RAPGEF1: variants seen among roughly 807,000 people sequenced by gnomAD.
The protein encoded by RAPGEF1 is Rap guanine nucleotide exchange factor 1, also known as CRK SH3-binding GNRP.
RAPGEF1 carries 33 observed loss-of-function variants against 143.3 expected under a neutral mutation model. That is an observed-to-expected ratio of 0.23 (90% CI 0.17 to 0.31). The LOEUF is 0.31. Ranked by LOEUF, RAPGEF1 falls within the 10% of genes least tolerant of loss-of-function variation. The pLI, the probability that RAPGEF1 is intolerant of heterozygous loss-of-function variation, is 1.00. For synonymous variants in RAPGEF1, 629 were observed against 676.5 expected, an observed-to-expected ratio of 0.93 and a Z score of 1.09; for missense variants, 1,199 against 1,645.4, an observed-to-expected ratio of 0.73 and a Z score of 4.69.
At chr9:131,697,831 TGAC>T in intron 1 of RAPGEF1, among the ~76,000 whole-genome samples, 1 of 152,252 alleles carries the variant, frequency 6.6e-6, no homozygotes, top group Non-Finnish European at 1.5e-5. Flanking sequence ...CAGTTGATGA[TGAC>T]AAGTTCTGGA....
At chr9:131,604,376 G>A (rs921183401) in intron 13 of RAPGEF1, among the ~76,000 whole-genome samples, 3 of 152,190 alleles carry the variant, frequency 2.0e-5, no homozygotes, top group East Asian at 3.8e-4. Context: ...AGTGGGGTCC[G>A]CTGCCTGCAC....
intron 26 of RAPGEF1, 86 bp downstream of exon 26, chr9:131,580,177 C>T (rs1022758830): frequency 4.5e-6 from 7 of 1,542,288 alleles, no homozygotes; most frequent in African/African-American, 2.7e-5. Context: ...TGTGGCTCCC[C>T]CTCCCCTCGG....
intron 12 of RAPGEF1, among the ~76,000 whole-genome samples, chr9:131,609,148 T>C (rs1957596880): frequency 6.6e-6 from 1 of 151,926 alleles, no homozygotes; most frequent in African/African-American, 2.4e-5. Flanking sequence ...ATGTCAGCCC[T>C]GGTCACATAG....
At position 131,666,110 on chromosome 9, in the gene RAPGEF1, G is replaced by A. The variant is rs371713675; in HGVS notation, c.62-15161C>T. ...CTATGACATTCAGTCTACACCAGAT[G>A]GTAATATCAGAGATGTAGATAAGAT... On this transcript the variant is annotated intron_variant, in intron 1 of 26. Coordinates refer to ENST00000683357, the MANE Select transcript of RAPGEF1 (RefSeq NM_001377935.1). Among the ~76,000 whole-genome samples, 4 of 152,274 alleles carry A rather than the reference G, an allele frequency of 2.6e-5. No homozygotes were observed. In the East Asian group the frequency reaches 5.8e-4, roughly 22 times the overall value.
chr9:131,585,441 A>G (rs1395415670), intron 22 of RAPGEF1, among the ~76,000 whole-genome samples: 3 of 152,106 alleles, frequency 2.0e-5, no homozygotes, highest in Non-Finnish European at 2.9e-5. Flanking sequence ...TCGGCCTCCC[A>G]AAGTCCTGGG....
intron 12 of RAPGEF1, among the ~76,000 whole-genome samples, chr9:131,606,043 C>A (rs1957067837): frequency 6.6e-6 from 1 of 152,176 alleles, no homozygotes; most frequent in African/African-American, 2.4e-5. Context: ...CACTGTACTC[C>A]AGGCTGGGTG....
intron 1 of RAPGEF1, among the ~76,000 whole-genome samples, chr9:131,703,857 TGA>T (rs1301951119): frequency 6.6e-6 from 1 of 152,110 alleles, no homozygotes. Flanking sequence ...TACCTTAAGC[TGA>T]GAGACAGAAA....
rs1964493931 is a variant in RAPGEF1, at chr9:131,630,281, G to A, written c.695C>T (p.Pro232Leu). The A allele has an allele frequency of 5.0e-6, 8 of 1,613,746 alleles. No homozygotes were observed. Among genetic ancestry groups the A allele is most frequent in the East Asian group, 2.2e-5 (1 of 44,850 alleles). Reference sequence around the variant, plus strand: ...GGAACTGGGCTTCACGGGGCTCGTCGGAGACGGACGTCCCTGCTTCTCGAT... The same window carrying A: ...GGAACTGGGCTTCACGGGGCTCGTCAGAGACGGACGTCCCTGCTTCTCGAT... ...LTIEKQGRPS[P>L]TSPVKPSSPA... The change falls in exon 6 of 27, where the codon CCG becomes CTG. Residue 232 changes from proline to leucine, a missense_variant. Pro to Leu is a moderately conservative substitution (Grantham distance 98). This residue lies in a region of RAPGEF1 where 613 missense variants were observed against 710.9 expected (regional missense o/e 0.86). Transcript: ENST00000683357.
chr9:131,587,461 C>T (rs578225074), intron 22 of RAPGEF1, among the ~76,000 whole-genome samples: 1 of 152,252 alleles, frequency 6.6e-6, no homozygotes. Context: ...AAACTCACGC[C>T]CTTCCCAACA....
chr9:131,682,192 C>T lies in RAPGEF1; in HGVS notation c.62-31243G>A, dbSNP rs1012102209. Among the ~76,000 whole-genome samples the T allele has an allele frequency of 2.0e-5, 3 of 152,302 alleles. 1 individual carries two copies. Among genetic ancestry groups the T allele is most frequent in the Middle Eastern group, 6.8e-3 (2 of 294 alleles). On this transcript the variant is annotated intron_variant, in intron 1 of 26. Coordinates refer to ENST00000683357, the MANE Select transcript of RAPGEF1 (RefSeq NM_001377935.1). ...ATGTAGAAAAAATAAGCGAGTCAGG[C>T]TGCCAGATAGGGGAAAAAAGAAAAC...
chr9:131,649,707 G>C (rs73559693), intron 3 of RAPGEF1, among the ~76,000 whole-genome samples: 1 of 152,044 alleles, frequency 6.6e-6, no homozygotes, highest in Non-Finnish European at 1.5e-5. Context: ...GTTATGCGGC[G>C]GTCTCACTGC....
rs759082927 is a variant in RAPGEF1 at position 131,590,291 on chromosome 9, CGT to C, written c.2775-315_2775-314del. Among the ~76,000 whole-genome samples, 7 of 106,424 alleles carry C rather than the reference CGT, an allele frequency of 6.6e-5. No individual in the cohort carries two copies. In the East Asian group the frequency reaches 1.6e-3, roughly 25 times the overall value. 69.8% of individuals were successfully genotyped at this position (106,424 alleles called of 152,430 possible). A position where few individuals can be genotyped will look rare whatever the true frequency, so the allele number is the denominator to read the frequency against. On this transcript the variant is annotated intron_variant, in intron 18 of 26. Transcript: ENST00000683357. Reference sequence around the variant, plus strand: ...CGAGGTGCCCATGAGATTACAGACACGTAGAGAGTGCCTTGCTGAACTTTAGG... The same window carrying C: ...CGAGGTGCCCATGAGATTACAGACACAGAGAGTGCCTTGCTGAACTTTAGG...
chr9:131,720,510 G>A (rs1205378576), intron 1 of RAPGEF1, among the ~76,000 whole-genome samples: 1 of 152,138 alleles, frequency 6.6e-6, no homozygotes, highest in African/African-American at 2.4e-5. Flanking sequence ...CCAGGCGCCA[G>A]AGCCCAGAAA....
At chr9:131,713,968 T>G (rs536236512) in intron 1 of RAPGEF1, among the ~76,000 whole-genome samples, 2 of 152,270 alleles carry the variant, frequency 1.3e-5, no homozygotes, top group African/African-American at 2.4e-5. Flanking sequence ...CAGAGTAAGA[T>G]CCACTGCAAT....
At chr9:131,659,306 C>T (rs1973357291) in intron 1 of RAPGEF1, among the ~76,000 whole-genome samples, 1 of 152,096 alleles carries the variant, frequency 6.6e-6, no homozygotes, top group South Asian at 2.1e-4. Flanking sequence ...GCACAGGAGG[C>T]AGCAGAGCTG....
chr9:131,584,737 A>G lies in RAPGEF1; in HGVS notation c.3234-141T>C, dbSNP rs1952436707. 1.4e-6 allele frequency: 1 copy of G among 718,812 alleles called. No individual in the cohort carries two copies. 44.5% of individuals were successfully genotyped at this position (718,812 alleles called of 1,614,324 possible). A position where few individuals can be genotyped will look rare whatever the true frequency, so the allele number is the denominator to read the frequency against. ...CTACTGAATACCTGCAGCCTGCCCC[A>G]GGCATAGATCTAGTTTCTGCTCTCC... is the stretch of plus-strand genomic sequence containing the variant. On this transcript the variant is annotated intron_variant, in intron 22 of 26. Transcript: ENST00000683357. The surrounding 1 kb of genome is among the most constrained non-coding windows in gnomAD (Gnocchi z 6.8).
At chr9:131,620,307 T>C (rs749052752) in intron 11 of RAPGEF1, among the ~76,000 whole-genome samples, 4 of 151,926 alleles carry the variant, frequency 2.6e-5, no homozygotes, top group Non-Finnish European at 5.9e-5. Flanking sequence ...TCTCACTATG[T>C]TGTCCAGGCT....
In RAPGEF1 at chr9:131,582,710, G is replaced by T. The variant is rs368253145; in HGVS notation, c.3415-8C>A. 47 of 1,551,022 alleles carry T rather than the reference G, an allele frequency of 3.0e-5. No individual in the cohort carries two copies. The Middle Eastern group carries it at 6.8e-4, about 22-fold the overall frequency. The stretch of plus-strand genomic sequence containing the variant: ...GCAGTACTCGGCCAGGCCCTGGCAG[G>T]ACAGGACAGGACAGGACCGGACAGG... On this transcript the variant is annotated splice_polypyrimidine_tract_variant and splice_region_variant and intron_variant, in intron 24 of 26. Transcript: ENST00000683357.
rs1265903165 is a variant in RAPGEF1, at chr9:131,650,343, C to T, written c.202-101G>A. ...TCAATAGCTGTTTCAACATATCTGG[C>T]TTGACTGGCCCTGCTGAGGCCACTA... On this transcript the variant is annotated intron_variant, in intron 2 of 26. Coordinates refer to ENST00000683357, the MANE Select transcript of RAPGEF1 (RefSeq NM_001377935.1). The surrounding 1 kb of genome is among the most constrained non-coding windows in gnomAD (Gnocchi z 4.7). 1.2e-6 allele frequency: 1 copy of T among 855,734 alleles called. No homozygotes were observed. Among genetic ancestry groups the T allele is most frequent in the East Asian group, 2.6e-5 (1 of 38,116 alleles). The allele number at this position is 855,734 out of a possible 1,614,324, so 53.0% of individuals were successfully genotyped here. A position where few individuals can be genotyped will look rare whatever the true frequency, so the allele number is the denominator to read the frequency against.
Sources: allele counts gnomAD v4.1 joint callset (sites outside exome capture counted in the v4.1 genomes callset), GRCh38; gene constraint gnomAD v4.1.1; regional missense constraint gnomAD v4.1.1; non-coding constraint Gnocchi (gnomAD v3.1); transcripts MANE v1.5; gene names NCBI Gene and HGNC (gene_info 2026-07-23, HGNC 2026-07-21).